Variants in CECR2 observed in about 807,000 individuals in gnomAD.
CECR2 encodes the protein CECR2 histone acetyl-lysine reader.
In CECR2, 30 loss-of-function variants were observed where a neutral mutation model predicts 154.5. That is an observed-to-expected ratio of 0.19 (90% confidence interval 0.15 to 0.26). The LOEUF (loss-of-function observed/expected upper bound fraction) is 0.26, where lower values mean the gene tolerates loss of function less well. CECR2 is among the 10% of genes least tolerant of loss of function. The probability of loss-of-function intolerance (pLI) is 1.00; values close to 1 mark genes in which losing one functional copy is unlikely to be tolerated. For missense variants in CECR2, 1,743 were observed against 1,829.3 expected, an observed-to-expected ratio of 0.95 and a Z score of 0.86; for synonymous variants, 725 against 683.7, an observed-to-expected ratio of 1.06 and a Z score of -0.94.
chr22:17,370,451 G>T (rs1385052740), intron 1 of CECR2, among the ~76,000 whole-genome samples: 1 of 151,882 alleles, frequency 6.6e-6, no homozygotes, highest in Non-Finnish European at 1.5e-5. Context: ...CCCGGGAGGC[G>T]CTCCGGCCAA....
chr22:17,497,703 G>T, intron 3 of CECR2, 117 bp downstream of exon 3: 1 of 953,964 alleles, frequency 1.0e-6, no homozygotes, highest in Non-Finnish European at 1.6e-6. Flanking sequence ...TACTAGTCTT[G>T]GTACTATTCA....
At chr22:17,481,878 A>T (rs2055326073) in intron 2 of CECR2, among the ~76,000 whole-genome samples, 1 of 152,052 alleles carries the variant, frequency 6.6e-6, no homozygotes. Context: ...GCACTTTGGG[A>T]GGCCGAGGCG....
intron 2 of CECR2, among the ~76,000 whole-genome samples, chr22:17,496,393 G>A (rs1183756059): frequency 1.3e-5 from 2 of 152,034 alleles, no homozygotes; most frequent in Non-Finnish European, 2.9e-5. Flanking sequence ...CCAGCTACTC[G>A]GGAGGCTGAG....
At chr22:17,452,860 A>G (rs116447446) in intron 1 of CECR2, among the ~76,000 whole-genome samples, 2,459 of 152,208 alleles carry the variant, frequency 0.016, 57 homozygotes, top group African/African-American at 0.055. Context: ...GCTATAAAAG[A>G]AAGAGGTCAC....
At chr22:17,397,907 G>A (rs1364034047) in intron 1 of CECR2, among the ~76,000 whole-genome samples, 2 of 152,070 alleles carry the variant, frequency 1.3e-5, no homozygotes, top group Admixed American at 6.6e-5. Flanking sequence ...ACATTAGCAC[G>A]AGTTTCCACC....
At chr22:17,423,387 G>A (rs933147341) in intron 1 of CECR2, among the ~76,000 whole-genome samples, 14 of 152,068 alleles carry the variant, frequency 9.2e-5, no homozygotes, top group Admixed American at 5.2e-4. Context: ...CACGCCTATA[G>A]TCCCAGCTAC....
chr22:17,472,350 T>C (rs887174282), intron 1 of CECR2, among the ~76,000 whole-genome samples: 1 of 152,214 alleles, frequency 6.6e-6, no homozygotes, highest in Admixed American at 6.5e-5. Context: ...GTGCTTTTTT[T>C]CTTTCTGTAT....
At chr22:17,371,582 A>G (rs1246756870) in intron 1 of CECR2, among the ~76,000 whole-genome samples, 2 of 152,342 alleles carry the variant, frequency 1.3e-5, no homozygotes, top group Non-Finnish European at 2.9e-5. Flanking sequence ...GTTTTCTTTC[A>G]GTTGGTACAA....
chr22:17,497,544 T>C lies in CECR2; in HGVS notation c.363T>C (p.Cys121=). The stretch of plus-strand genomic sequence containing the variant: ...GGGTGGAGATCCTGCACCGACTCTG[T>C]GATTACCGGCTGGATGCAGACGATG... ...RTRVEILHRL[C]DYRLDADDVF... The change falls in exon 3 of 19, where the codon TGT becomes TGC. Residue 121 remains cysteine, a synonymous_variant. Coordinates refer to ENST00000262608, the MANE Select transcript of CECR2 (RefSeq NM_001290047.2). The C allele has an allele frequency of 6.2e-7, 1 of 1,613,928 alleles. No individual in the cohort carries two copies. Among genetic ancestry groups the C allele is most frequent in the Non-Finnish European group, 8.5e-7 (1 of 1,179,870 alleles).
Position 17,542,425 on chromosome 22 carries a change from G to C in CECR2, c.2282G>C (p.Arg761Pro). 1 of 1,613,850 alleles carries C rather than the reference G, an allele frequency of 6.2e-7. No individual in the cohort carries two copies. The highest frequency in any genetic ancestry group is 1.1e-5 in the South Asian group (1 of 91,068). ...SSEIPPSHMY[R>P]SYKYLNRVHS... ...GAAATTCCTCCCAGCCATATGTATC[G>C]ATCGTACAAGTACCTGAATCGAGTA... Residue 761 changes from arginine to proline, a missense_variant, in exon 16 of 19, where the codon CGA (arginine) becomes CCA (proline). Around this residue, in one of 4 missense-constraint regions of CECR2, gnomAD observed 1,250 missense variants for 1,192.1 expected, o/e 1.05. Coordinates refer to ENST00000262608, the MANE Select transcript of CECR2 (RefSeq NM_001290047.2).
Position 17,532,700 on chromosome 22 carries a change from C to CTTTT in CECR2, c.1109-4371_1109-4368dup, listed in dbSNP as rs695634. On this transcript the variant is annotated intron_variant, in intron 9 of 18. Transcript: ENST00000262608. ...CCAAGTAGGTATATTCATTATTATT[C>CTTTT]TTTTTTTTTTTTTTTTTTTTTTTTT... Among the ~76,000 whole-genome samples, 180 of 35,800 alleles carry CTTTT rather than the reference C, an allele frequency of 5.0e-3. 35 individuals are homozygous for CTTTT. Among genetic ancestry groups the CTTTT allele is most frequent in the South Asian group, 8.5e-3 (5 of 590 alleles). 23.5% of individuals were successfully genotyped at this position (35,800 alleles called of 152,430 possible).
chr22:17,480,766 G>A (rs965317221), intron 2 of CECR2, among the ~76,000 whole-genome samples: 1 of 151,988 alleles, frequency 6.6e-6, no homozygotes, highest in African/African-American at 2.4e-5. Flanking sequence ...TCGGCCGGGC[G>A]CAGTGGCTCA....
intron 1 of CECR2, 129 bp downstream of exon 1, chr22:17,370,038 G>C (rs1390433726): frequency 1.3e-5 from 2 of 151,472 alleles, no homozygotes; most frequent in Admixed American, 6.6e-5. Flanking sequence ...CGGGGGCCAG[G>C]AGGAGGGCGC....
chr22:17,361,460 G>A (rs1181097838), intron 1 of CECR2, among the ~76,000 whole-genome samples: 1 of 151,678 alleles, frequency 6.6e-6, no homozygotes, highest in Admixed American at 6.6e-5. Flanking sequence ...GGACGACAGA[G>A]TGAGAGTCCA....
At chr22:17,435,541 C>T (rs1418175891) in intron 1 of CECR2, among the ~76,000 whole-genome samples, 1 of 152,028 alleles carries the variant, frequency 6.6e-6, no homozygotes, top group African/African-American at 2.4e-5. Context: ...GCCCTCAGCA[C>T]CTTTTGAACT....
At chr22:17,523,199 A>G (rs1315709420) in intron 8 of CECR2, among the ~76,000 whole-genome samples, 1 of 152,060 alleles carries the variant, frequency 6.6e-6, no homozygotes, top group Admixed American at 6.6e-5. Context: ...CCTGGCCAAC[A>G]TGGCGAAACC....
chr22:17,511,847 A>G lies in CECR2; in HGVS notation c.905A>G (p.His302Arg). 1 of 1,612,148 alleles carries G rather than the reference A, an allele frequency of 6.2e-7. No homozygotes were observed. Among genetic ancestry groups the G allele is most frequent in the Non-Finnish European group, 8.5e-7 (1 of 1,178,770 alleles). The stretch of plus-strand genomic sequence containing the variant: ...CCACAGCGCACAAAGGCAGAGTTGC[A>G]TCCTAGGTGGATGTCTGACCACCTG... ...KRPQRTKAEL[H>R]PRWMSDHLSI... Residue 302 changes from histidine (H) to arginine (R), a missense_variant, in exon 8 of 19, where the codon CAT becomes CGT. His to Arg is a conservative substitution (Grantham distance 29, BLOSUM62 0). This residue lies in a region of CECR2 where 292 missense variants were observed against 301.2 expected (regional missense o/e 0.97). Transcript: ENST00000262608.
chr22:17,432,267 T>C (rs2054436997), intron 1 of CECR2, among the ~76,000 whole-genome samples: 2 of 152,232 alleles, frequency 1.3e-5, no homozygotes, highest in African/African-American at 4.8e-5. Context: ...TAGCAGAATG[T>C]TTTTATGGTT....
At chr22:17,490,251 A>C (rs1231765938) in intron 2 of CECR2, among the ~76,000 whole-genome samples, 1 of 151,216 alleles carries the variant, frequency 6.6e-6, no homozygotes, top group Non-Finnish European at 1.5e-5. Flanking sequence ...ATTTTGTCTC[A>C]TGGGTTGTGG....
Sources: gnomAD v4.1 joint callset for allele counts (sites outside exome capture counted in the v4.1 genomes callset) on GRCh38, gnomAD v4.1.1 for gene constraint, gnomAD v4.1.1 regional missense constraint, MANE v1.5 for transcripts, NCBI Gene and HGNC (gene_info 2026-07-23, HGNC 2026-07-21) for gene names.